Variants in EXT1 observed in about 807,000 individuals in gnomAD.
EXT1 encodes the protein exostosin-1.
A neutral mutation model predicts 82.5 loss-of-function variants in EXT1; 20 were observed. That is an observed-to-expected ratio of 0.24 (90% CI 0.17 to 0.35). The LOEUF (loss-of-function observed/expected upper bound fraction) is 0.35. Ranked by LOEUF, EXT1 falls within the 10% of genes least tolerant of loss-of-function variation. The pLI is 1.00. For missense variants in EXT1, 757 were observed against 936.5 expected, an observed-to-expected ratio of 0.81 and a Z score of 2.50; for synonymous variants, 348 against 350.8, an observed-to-expected ratio of 0.99 and a Z score of 0.09.
intron 7 of EXT1, among the ~76,000 whole-genome samples, 170 bp from the exon 8 acceptor site, chr8:117,813,131 G>T (rs966611015): frequency 2.6e-5 from 4 of 152,156 alleles, no homozygotes; most frequent in African/African-American, 9.7e-5. Context: ...AGATGTATTT[G>T]TTCAACAATT....
intron 8 of EXT1, among the ~76,000 whole-genome samples, chr8:117,808,802 T>C (rs1230785671): frequency 6.6e-6 from 1 of 152,120 alleles, no homozygotes; most frequent in East Asian, 1.9e-4. Flanking sequence ...TGTGAGGGTG[T>C]TTCTGGATGA....
At chr8:117,928,702 G>C (rs1355047780) in intron 1 of EXT1, among the ~76,000 whole-genome samples, 1 of 151,864 alleles carries the variant, frequency 6.6e-6, no homozygotes, top group Non-Finnish European at 1.5e-5. Flanking sequence ...TGTGATATCT[G>C]AAGCAATGAC....
chr8:117,876,496 A>G (rs1441066535), intron 1 of EXT1, among the ~76,000 whole-genome samples: 1 of 152,222 alleles, frequency 6.6e-6, no homozygotes, highest in East Asian at 1.9e-4. Flanking sequence ...ATGTGGTCCA[A>G]TGGGAATTTT....
rs1333224196 is a variant in EXT1 at position 117,797,199 on chromosome 8, T to C, written c.*2513A>G. Reference sequence around the variant, plus strand: ...ATTACATATTACTGTCGAGCTTCACTGATTTGTTAAGCATTGTTCTATTCC... The same window carrying C: ...ATTACATATTACTGTCGAGCTTCACCGATTTGTTAAGCATTGTTCTATTCC... On this transcript the variant is annotated 3_prime_UTR_variant, in exon 11 of 11. Coordinates refer to ENST00000378204, the MANE Select transcript of EXT1 (RefSeq NM_000127.3). 6.6e-6 allele frequency: 1 copy of C among 152,276 alleles called. No individual in the cohort carries two copies. Among genetic ancestry groups the C allele is most frequent in the Non-Finnish European group, 1.5e-5 (1 of 68,052 alleles). The allele number at this position is 152,276 out of a possible 1,614,324, so 9.4% of individuals were successfully genotyped here.
chr8:117,883,318 AT>A (rs1813093728), intron 1 of EXT1, among the ~76,000 whole-genome samples: 1 of 152,204 alleles, frequency 6.6e-6, no homozygotes, highest in Admixed American at 6.5e-5. Context: ...TTAAGGTTCC[AT>A]TTGTTTGACA....
At chr8:117,886,428 C>T (rs926646212) in intron 1 of EXT1, among the ~76,000 whole-genome samples, 1 of 152,156 alleles carries the variant, frequency 6.6e-6, no homozygotes, top group Non-Finnish European at 1.5e-5. Context: ...TTTGATGACA[C>T]AAATACTTGG....
chr8:117,910,562 A>G (rs1322096557), intron 1 of EXT1, among the ~76,000 whole-genome samples: 1 of 152,242 alleles, frequency 6.6e-6, no homozygotes, highest in Non-Finnish European at 1.5e-5. Flanking sequence ...CGACAGCCAG[A>G]GAGAAAATCA....
chr8:117,914,049 T>C (rs1400884651), intron 1 of EXT1, among the ~76,000 whole-genome samples: 1 of 152,062 alleles, frequency 6.6e-6, no homozygotes, highest in East Asian at 1.9e-4. Context: ...CTTCTAAGGG[T>C]AGGGTGGCGG....
At chr8:117,879,123 A>G (rs1176743390) in intron 1 of EXT1, among the ~76,000 whole-genome samples, 1 of 152,268 alleles carries the variant, frequency 6.6e-6, no homozygotes, top group African/African-American at 2.4e-5. Flanking sequence ...ATCATCCTAC[A>G]GGCAGCAACA....
intron 1 of EXT1, among the ~76,000 whole-genome samples, chr8:117,872,117 C>T (rs933189022): frequency 2.5e-5 from 3 of 120,786 alleles, no homozygotes; most frequent in Non-Finnish European, 4.9e-5. Flanking sequence ...GCAGCCTGGG[C>T]AACAGAGTGA....
intron 7 of EXT1, 47 bp from the exon 8 acceptor site, chr8:117,813,008 G>C (rs373895311): frequency 6.7e-7 from 1 of 1,502,628 alleles, no homozygotes; most frequent in Non-Finnish European, 9.2e-7. Flanking sequence ...GAGGGAAAGA[G>C]GTAACTTCAG....
chr8:117,867,040 C>T (rs1157476838), intron 1 of EXT1, among the ~76,000 whole-genome samples: 2 of 152,066 alleles, frequency 1.3e-5, no homozygotes, highest in East Asian at 1.9e-4. Context: ...GTGGGTGGAT[C>T]GCGAGGTCAG....
chr8:117,950,559 G>C (rs1020664065), intron 1 of EXT1, among the ~76,000 whole-genome samples: 19 of 152,246 alleles, frequency 1.2e-4, no homozygotes, highest in Admixed American at 3.9e-4. Flanking sequence ...ATAACACGAG[G>C]GCTAAAGGAA....
chr8:117,800,488 G>A (rs992853385), intron 10 of EXT1, among the ~76,000 whole-genome samples: 1 of 152,122 alleles, frequency 6.6e-6, no homozygotes, highest in Non-Finnish European at 1.5e-5. Context: ...CTAGTGTTAC[G>A]CAGCATCTAA....
At chr8:117,899,444 A>T (rs1042432662) in intron 1 of EXT1, among the ~76,000 whole-genome samples, 1 of 152,236 alleles carries the variant, frequency 6.6e-6, no homozygotes, top group Non-Finnish European at 1.5e-5. Context: ...TCTCGTGTAT[A>T]AATAATTAGG....
chr8:117,890,283 C>T (rs947758814), intron 1 of EXT1, among the ~76,000 whole-genome samples: 2 of 152,184 alleles, frequency 1.3e-5, no homozygotes, highest in Non-Finnish European at 2.9e-5. Context: ...TAGTGGTCCT[C>T]AACCAGGAGC....
At chr8:117,859,925 T>C (rs1812650757) in intron 1 of EXT1, among the ~76,000 whole-genome samples, 1 of 152,014 alleles carries the variant, frequency 6.6e-6, no homozygotes, top group African/African-American at 2.4e-5. Context: ...GGTGGGCAGA[T>C]CACCTGAGGT....
At chr8:117,903,737 G>A (rs1474886500) in intron 1 of EXT1, among the ~76,000 whole-genome samples, 1 of 152,124 alleles carries the variant, frequency 6.6e-6, no homozygotes, top group Non-Finnish European at 1.5e-5. Flanking sequence ...CAAATTAAAT[G>A]GCGCCTCTAA....
At chr8:118,102,110 T>C (rs1586274961) in intron 1 of EXT1, among the ~76,000 whole-genome samples, 2 of 151,800 alleles carry the variant, frequency 1.3e-5, no homozygotes, top group East Asian at 3.9e-4. Flanking sequence ...CTACTAAAAA[T>C]ACAAAAATTA....
Sources: gnomAD v4.1 joint callset for allele counts (sites outside exome capture counted in the v4.1 genomes callset) on GRCh38, gnomAD v4.1.1 for gene constraint, MANE v1.5 for transcripts, NCBI Gene and HGNC (gene_info 2026-07-23, HGNC 2026-07-21) for gene names.